USP47: variants seen among roughly 807,000 people sequenced by gnomAD.
USP47 encodes the protein ubiquitin carboxyl-terminal hydrolase 47.
Under a neutral mutation model 165.1 loss-of-function variants are expected in USP47, and 35 were observed. The ratio of observed to expected loss-of-function variants is 0.21; its 90% CI spans 0.16 to 0.28. USP47 has a LOEUF of 0.28. Among genes scored for constraint, USP47 ranks in the 10% least tolerant of loss-of-function variants. The probability of loss-of-function intolerance (pLI) is 1.00; values close to 1 mark genes in which losing one functional copy is unlikely to be tolerated. For synonymous variants in USP47, 531 were observed against 544.5 expected, an observed-to-expected ratio of 0.98 and a Z score of 0.35; for missense variants, 1,277 against 1,607.4, an observed-to-expected ratio of 0.79 and a Z score of 3.52.
chr11:11,952,650 A>C, intron 24 of USP47, 91 bp from the exon 25 acceptor site: 1 of 1,323,606 alleles, frequency 7.6e-7, no homozygotes, highest in South Asian at 2.1e-5. Context: ...ACTTGAAGTA[A>C]ATCTTTTTGT....
At chr11:11,875,033 TTGTGTG>T (rs57342188) in intron 1 of USP47, among the ~76,000 whole-genome samples, 1,965 of 95,348 alleles carry the variant, frequency 0.021, 24 homozygotes, top group African/African-American at 0.034. Flanking sequence ...AATTGACTTA[TTGTGTG>T]TGTGTGTGTG....
At chr11:11,852,730 A>G (rs1254836800) in intron 1 of USP47, among the ~76,000 whole-genome samples, 1 of 152,158 alleles carries the variant, frequency 6.6e-6, no homozygotes, top group Non-Finnish European at 1.5e-5. Context: ...TAGTCTTTCA[A>G]AAATTTCTTA....
chr11:11,951,415 C>A (rs1012694167), intron 24 of USP47: 1 of 152,036 alleles, frequency 6.6e-6, no homozygotes, highest in Non-Finnish European at 1.5e-5. Flanking sequence ...TTGAGGAGGT[C>A]CAAGTAGCAG....
intron 3 of USP47, among the ~76,000 whole-genome samples, chr11:11,890,492 A>G (rs1851442741): frequency 6.6e-6 from 1 of 152,254 alleles, no homozygotes; most frequent in Admixed American, 6.5e-5. Flanking sequence ...CCGCAATGAG[A>G]TACCATCCCA....
chr11:11,949,833 T>C, intron 22 of USP47, 56 bp from the exon 23 acceptor site: 2 of 1,184,050 alleles, frequency 1.7e-6, no homozygotes, highest in Non-Finnish European at 2.4e-6. Context: ...AATGTGTTAA[T>C]ATTAATGTAC....
In USP47 at chr11:11,959,461, G is replaced by A. The variant is rs1217932600; in HGVS notation, c.*3286G>A. The stretch of plus-strand genomic sequence containing the variant: ...GGAGATAGTAGGACAGTTTTTATGA[G>A]GGTTTCAAAGGAGTTCATGGCCCAA... On this transcript the variant is annotated 3_prime_UTR_variant, in exon 28 of 28. Coordinates refer to ENST00000527733, the MANE Select transcript of USP47 (RefSeq NM_001282659.2). 1 of 152,156 alleles carries A rather than the reference G, an allele frequency of 6.6e-6. No individual in the cohort carries two copies. The highest frequency in any genetic ancestry group is 1.5e-5 in the Non-Finnish European group (1 of 68,026). 9.4% of individuals were successfully genotyped at this position (152,156 alleles called of 1,614,324 possible).
intron 11 of USP47, among the ~76,000 whole-genome samples, chr11:11,928,702 G>C (rs1045462265): frequency 6.6e-6 from 1 of 151,870 alleles, no homozygotes; most frequent in Non-Finnish European, 1.5e-5. Flanking sequence ...TGTCTTAGGA[G>C]TTGTGAAGTA....
intron 20 of USP47, among the ~76,000 whole-genome samples, chr11:11,946,279 A>G (rs1246462297): frequency 6.6e-6 from 1 of 152,220 alleles, no homozygotes; most frequent in East Asian, 1.9e-4. Flanking sequence ...CAAATCTAAT[A>G]TATGAAGAGG....
chr11:11,933,743 G>C (rs1854847813), intron 15 of USP47, 88 bp from the exon 16 acceptor site: 3 of 891,574 alleles, frequency 3.4e-6, no homozygotes, highest in Non-Finnish European at 5.3e-6. Flanking sequence ...AAAAATTGCA[G>C]TATTTTGACA....
At position 11,852,587 on chromosome 11, in the gene USP47, A is replaced by G. The variant is rs950011574; in HGVS notation, c.39+10363A>G. 7.8e-5 allele frequency among the ~76,000 whole-genome samples: 9 copies of G among 115,430 alleles called. No homozygotes were observed. The Admixed American group carries it at 8.0e-4, about 10-fold the overall frequency. The allele number at this position is 115,430 out of a possible 152,430, so 75.7% of individuals were successfully genotyped here. ...GAGGTCTTTTGGTGTACTAAATGTC[A>G]GTGTGATATAAACTAGGTGTCTTTG... On this transcript the variant is annotated intron_variant, in intron 1 of 27. Transcript: ENST00000527733.
Position 11,952,721 on chromosome 11 carries a change from C to T in USP47, c.3584-20C>T. ...CCTTCAGAGGAAATAGAATGATGAC[C>T]TAATCTTGCATATTCTTAGGGGTAG... On this transcript the variant is annotated intron_variant, in intron 24 of 27. Coordinates refer to ENST00000527733, the MANE Select transcript of USP47 (RefSeq NM_001282659.2). 6.4e-7 allele frequency: 1 copy of T among 1,569,258 alleles called. No homozygotes were observed. Among genetic ancestry groups the T allele is most frequent in the Non-Finnish European group, 8.6e-7 (1 of 1,157,918 alleles).
chr11:11,849,075 C>T (rs578196344), intron 1 of USP47, among the ~76,000 whole-genome samples: 3 of 151,772 alleles, frequency 2.0e-5, no homozygotes, highest in Non-Finnish European at 4.4e-5. Context: ...TGGATACATC[C>T]GCATTTCATA....
intron 9 of USP47, 23 bp from the exon 10 acceptor site, chr11:11,920,319 C>G (rs546231279): frequency 1.7e-4 from 281 of 1,606,184 alleles, no homozygotes; most frequent in Non-Finnish European, 2.3e-4. Flanking sequence ...AGACTCTCCC[C>G]CTTTTTGTTG....
At chr11:11,918,730 C>T (rs1853607701) in intron 8 of USP47, among the ~76,000 whole-genome samples, 2 of 151,704 alleles carry the variant, frequency 1.3e-5, no homozygotes, top group Non-Finnish European at 2.9e-5. Context: ...AACTATAAGC[C>T]GGAGACCAAT....
Position 11,865,461 on chromosome 11 carries a change from G to A in USP47, c.40-14716G>A, listed in dbSNP as rs937235435. On this transcript the variant is annotated intron_variant, in intron 1 of 27. Coordinates refer to ENST00000527733, the MANE Select transcript of USP47 (RefSeq NM_001282659.2). ...GGCCCACCTAATTAGTTTTCATTTCGGTTTTATCTGTTATTTATTTGCTGA... is the reference window on the plus strand; with the variant it reads ...GGCCCACCTAATTAGTTTTCATTTCAGTTTTATCTGTTATTTATTTGCTGA... Among the ~76,000 whole-genome samples the A allele has an allele frequency of 2.0e-5, 3 of 151,468 alleles. No individual in the cohort carries two copies. The East Asian group carries it at 5.8e-4, about 29-fold the overall frequency.
intron 1 of USP47, among the ~76,000 whole-genome samples, chr11:11,850,794 A>C (rs1451010631): frequency 1.3e-5 from 2 of 152,212 alleles, no homozygotes; most frequent in East Asian, 1.9e-4. Context: ...AGTTCCTGTG[A>C]GTGAGGCTGG....
intron 2 of USP47, among the ~76,000 whole-genome samples, chr11:11,880,854 G>A (rs1466574286): frequency 6.6e-6 from 1 of 152,026 alleles, no homozygotes; most frequent in Non-Finnish European, 1.5e-5. Flanking sequence ...TTATTTGTGT[G>A]TCTATGTGCA....
Position 11,940,451 on chromosome 11 carries a change from C to T in USP47, c.2216C>T (p.Thr739Ile). The T allele has an allele frequency of 6.2e-7, 1 of 1,609,846 alleles. No individual in the cohort carries two copies. Among genetic ancestry groups the T allele is most frequent in the Non-Finnish European group, 8.5e-7 (1 of 1,177,478 alleles). Residue 739 changes from threonine (T) to isoleucine (I), a missense_variant, in exon 19 of 28, where the codon ACA becomes ATA. By Grantham distance (89) the Thr-to-Ile change is moderately conservative. Coordinates refer to ENST00000527733, the MANE Select transcript of USP47 (RefSeq NM_001282659.2). ...ISKAIHLPAE[T>I]MRIVLERCYN... ...TAGGCCATCCATTTACCTGCTGAAA[C>T]AATGAGAATAGTGCTGGAACGCTGC...
At chr11:11,876,911 A>G (rs1011726739) in intron 1 of USP47, among the ~76,000 whole-genome samples, 2 of 151,528 alleles carry the variant, frequency 1.3e-5, no homozygotes, top group Non-Finnish European at 2.9e-5. Flanking sequence ...GAGAAAAGGA[A>G]AAAAAAAAGA....
Sources: gnomAD v4.1 joint callset for allele counts (sites outside exome capture counted in the v4.1 genomes callset) on GRCh38, gnomAD v4.1.1 for gene constraint, MANE v1.5 for transcripts, NCBI Gene and HGNC (gene_info 2026-07-23, HGNC 2026-07-21) for gene names.